KLHL1: variants seen among roughly 807,000 people sequenced by gnomAD.
KLHL1 encodes kelch like family member 1, also known as kelch-like protein 1.
In KLHL1, 47 loss-of-function variants were observed where a neutral mutation model predicts 77.7. The ratio of observed to expected loss-of-function variants is 0.60; its 90% CI spans 0.48 to 0.77. The LOEUF is 0.77. KLHL1 is among the 30% of genes least tolerant of loss of function. KLHL1 has a pLI of 0.00. For missense variants in KLHL1, 925 were observed against 910.8 expected (o/e 1.02, Z -0.20); for synonymous variants, 360 against 325.2 (o/e 1.11, Z -1.15).
chr13:69,705,705 T>C (rs1232678581), intron 10 of KLHL1, among the ~76,000 whole-genome samples: 1 of 151,762 alleles, frequency 6.6e-6, no homozygotes, highest in Non-Finnish European at 1.5e-5. Context: ...ATTTAATGTT[T>C]ACTGTATTAA....
chr13:69,746,675 C>A (rs1874228442), intron 7 of KLHL1, among the ~76,000 whole-genome samples: 1 of 149,770 alleles, frequency 6.7e-6, no homozygotes, highest in Non-Finnish European at 1.5e-5. Context: ...TCATTTTTTT[C>A]CTTTTCCCCG....
intron 3 of KLHL1, among the ~76,000 whole-genome samples, chr13:69,948,626 C>G (rs1883605391): frequency 6.6e-6 from 1 of 151,800 alleles, no homozygotes; most frequent in African/African-American, 2.4e-5. Flanking sequence ...CTCTGTTTTT[C>G]TATAAGATAT....
intron 1 of KLHL1, among the ~76,000 whole-genome samples, chr13:70,064,125 G>A (rs550083596): frequency 2.0e-4 from 30 of 152,168 alleles, no homozygotes; most frequent in Non-Finnish European, 4.0e-4. Flanking sequence ...TGTCTATGAG[G>A]ACTAATTAAT....
At chr13:69,892,444 T>A (rs1459615814) in intron 4 of KLHL1, among the ~76,000 whole-genome samples, 1 of 152,154 alleles carries the variant, frequency 6.6e-6, no homozygotes, top group Non-Finnish European at 1.5e-5. Flanking sequence ...AAGAAAGTTG[T>A]AATGCAAGAT....
chr13:69,825,076 G>A (rs578199523), intron 6 of KLHL1, among the ~76,000 whole-genome samples: 6 of 152,196 alleles, frequency 3.9e-5, no homozygotes, highest in South Asian at 2.1e-4. Context: ...TACTAGTAAC[G>A]ATATCACTTA....
Position 69,940,175 on chromosome 13 carries a change from C to T in KLHL1, c.879G>A (p.Gln293=). ...AGCACACTTCCACCACCTGTGGAAG[C>T]TGAAGAAGGCACGCTGCAGCAAGAA... The part of the protein sequence containing the change: ...ENLLAAACLL[Q]LPQVVEVCCH... The change falls in exon 4 of 11, where the codon CAG becomes CAA. Residue 293 remains glutamine (Q), a synonymous_variant. Coordinates refer to ENST00000377844, the MANE Select transcript of KLHL1 (RefSeq NM_020866.3). 1 of 1,612,628 alleles carries T rather than the reference C, an allele frequency of 6.2e-7. No homozygotes were observed. The highest frequency in any genetic ancestry group is 1.1e-5 in the South Asian group (1 of 90,960).
At chr13:69,954,835 T>C (rs1182172283) in intron 3 of KLHL1, among the ~76,000 whole-genome samples, 1 of 150,836 alleles carries the variant, frequency 6.6e-6, no homozygotes, top group Non-Finnish European at 1.5e-5. Context: ...AACATATATA[T>C]GCATAAATGA....
chr13:69,821,827 T>G (rs1359549173), intron 6 of KLHL1, among the ~76,000 whole-genome samples: 4 of 152,158 alleles, frequency 2.6e-5, no homozygotes, highest in African/African-American at 7.2e-5. Context: ...TTCGACTAAC[T>G]TTTTTGCTTA....
chr13:70,092,516 T>A (rs888959206), intron 1 of KLHL1, among the ~76,000 whole-genome samples: 1 of 152,174 alleles, frequency 6.6e-6, no homozygotes, highest in Non-Finnish European at 1.5e-5. Flanking sequence ...TATTTTTGCT[T>A]ATACTTTATA....
intron 1 of KLHL1, among the ~76,000 whole-genome samples, chr13:70,070,464 G>C (rs1404398224): frequency 6.6e-6 from 1 of 151,910 alleles, no homozygotes; most frequent in Non-Finnish European, 1.5e-5. Flanking sequence ...TATTCAAAAT[G>C]TTAAAAGACA....
At position 70,029,079 on chromosome 13, in the gene KLHL1, T is replaced by A. The variant is rs186420132; in HGVS notation, c.498-53277A>T. 7.2e-5 allele frequency among the ~76,000 whole-genome samples: 11 copies of A among 152,272 alleles called. 1 individual carries two copies. The East Asian group carries it at 2.1e-3, about 29-fold the overall frequency. On this transcript the variant is annotated intron_variant, in intron 1 of 10. Transcript: ENST00000377844. Reference sequence around the variant, plus strand: ...TCAGTAACCGCTATATAATGACTGTTTATTGCAATTATTTTCACTTTTTGT... The same window carrying A: ...TCAGTAACCGCTATATAATGACTGTATATTGCAATTATTTTCACTTTTTGT...
intron 6 of KLHL1, among the ~76,000 whole-genome samples, chr13:69,813,833 T>C (rs556558461): frequency 2.0e-5 from 3 of 152,318 alleles, no homozygotes; most frequent in African/African-American, 4.8e-5. Flanking sequence ...CAAAGCAATC[T>C]ACAGATTTAA....
intron 4 of KLHL1, among the ~76,000 whole-genome samples, chr13:69,910,288 T>C (rs1043923038): frequency 1.4e-4 from 21 of 152,078 alleles, no homozygotes; most frequent in African/African-American, 5.1e-4. Context: ...GTCAAAAGTG[T>C]TATGTTGTTG....
At chr13:70,020,226 A>G (rs1177462792) in intron 1 of KLHL1, among the ~76,000 whole-genome samples, 1 of 152,182 alleles carries the variant, frequency 6.6e-6, no homozygotes, top group Non-Finnish European at 1.5e-5. Context: ...TAACAGCATC[A>G]ATACATAAAC....
chr13:69,824,022 T>C (rs887093714), intron 6 of KLHL1, among the ~76,000 whole-genome samples: 5 of 152,022 alleles, frequency 3.3e-5, no homozygotes, highest in Non-Finnish European at 5.9e-5. Flanking sequence ...ATGTATATAA[T>C]AGTCTACGAG....
Position 69,882,302 on chromosome 13 carries a change from A to G in KLHL1, c.1208T>C (p.Leu403Pro). Residue 403 changes from leucine to proline, a missense_variant, in exon 5 of 11, where the codon CTG (leucine) becomes CCG (proline). Coordinates refer to ENST00000377844, the MANE Select transcript of KLHL1 (RefSeq NM_020866.3). Reference sequence around the variant, plus strand: ...CATTACCTGTGGTGGAAGCAGTGGCAGTCTTATAAAGGCAAGAAGCATGCT... The same window carrying G: ...CATTACCTGTGGTGGAAGCAGTGGCGGTCTTATAAAGGCAAGAAGCATGCT... ...DLSMLLAFIR[L>P]PLLPPQILAD... The G allele has an allele frequency of 6.2e-7, 1 of 1,612,846 alleles. No individual in the cohort carries two copies. The highest frequency in any genetic ancestry group is 8.5e-7 in the Non-Finnish European group (1 of 1,178,854).
intron 5 of KLHL1, among the ~76,000 whole-genome samples, chr13:69,842,683 T>A (rs1041645801): frequency 5.9e-5 from 9 of 151,880 alleles, no homozygotes; most frequent in Non-Finnish European, 1.2e-4. Flanking sequence ...ATTCTACTAC[T>A]GGATATCTAC....
At chr13:70,010,697 C>T (rs1303707007) in intron 1 of KLHL1, among the ~76,000 whole-genome samples, 3 of 151,890 alleles carry the variant, frequency 2.0e-5, no homozygotes, top group Non-Finnish European at 4.4e-5. Context: ...TTGAGACCAG[C>T]CTGGCCAATA....
At chr13:70,040,262 C>T (rs1886342869) in intron 1 of KLHL1, among the ~76,000 whole-genome samples, 2 of 152,222 alleles carry the variant, frequency 1.3e-5, no homozygotes, top group South Asian at 2.1e-4. Context: ...TAAGATTTCT[C>T]CTTCTAGATG....
Sources: gnomAD v4.1 joint callset for allele counts (sites outside exome capture counted in the v4.1 genomes callset) on GRCh38, gnomAD v4.1.1 for gene constraint, MANE v1.5 for transcripts, NCBI Gene and HGNC (gene_info 2026-07-23, HGNC 2026-07-21) for gene names.